CACNA1D: variants seen among roughly 807,000 people sequenced by gnomAD.
CACNA1D encodes the protein voltage-dependent L-type calcium channel subunit alpha-1D.
A neutral mutation model predicts 257.1 loss-of-function variants in CACNA1D; 55 were observed. That is an observed-to-expected ratio of 0.21 (90% confidence interval 0.17 to 0.27). The LOEUF (loss-of-function observed/expected upper bound fraction) is 0.27. Among genes scored for constraint, CACNA1D ranks in the 10% least tolerant of loss-of-function variants. The pLI, the probability that CACNA1D is intolerant of heterozygous loss-of-function variation, is 1.00. For missense variants in CACNA1D, 1,876 were observed against 2,784.0 expected, an observed-to-expected ratio of 0.67 and a Z score of 7.34; for synonymous variants, 980 against 1,014.9, an observed-to-expected ratio of 0.97 and a Z score of 0.65.
chr3:53,615,417 G>A (rs1256729359), intron 3 of CACNA1D, among the ~76,000 whole-genome samples: 2 of 152,212 alleles, frequency 1.3e-5, no homozygotes, highest in Non-Finnish European at 2.9e-5. Flanking sequence ...AATCACAACA[G>A]ACAGTAGATT....
At position 53,778,912 on chromosome 3, in the gene CACNA1D, T is replaced by G. The variant is rs532163962; in HGVS notation, c.4588-1114T>G. ...TGAAGGACATTCCCTGAGTTGGGAA[T>G]AGTAATGGATCCCGTCGGTTGAGAA... On this transcript the variant is annotated intron_variant, in intron 37 of 47. Coordinates refer to ENST00000350061, the MANE Select transcript of CACNA1D (RefSeq NM_001128840.3). Among the ~76,000 whole-genome samples the G allele has an allele frequency of 3.9e-5, 6 of 152,368 alleles. No individual in the cohort carries two copies. The East Asian group carries it at 1.2e-3, about 29-fold the overall frequency.
intron 3 of CACNA1D, among the ~76,000 whole-genome samples, chr3:53,533,692 T>C (rs2092024420): frequency 6.6e-6 from 1 of 152,180 alleles, no homozygotes; most frequent in South Asian, 2.1e-4. Context: ...ACGGCTGCTA[T>C]GGCCGTGGGC....
At chr3:53,659,984 C>A in intron 4 of CACNA1D, 149 bp from the exon 5 acceptor site, 190 of 610,512 alleles carry the variant, frequency 3.1e-4, no homozygotes, top group Middle Eastern at 6.0e-4. Context: ...TATTCCAATT[C>A]CACAGCCCAG....
At chr3:53,691,161 TTG>T (rs1491106726) in intron 8 of CACNA1D, among the ~76,000 whole-genome samples, 25 of 147,310 alleles carry the variant, frequency 1.7e-4, no homozygotes, top group East Asian at 4.1e-4. Context: ...TTTTTTTTTT[TTG>T]GGGGGGAGAT....
intron 10 of CACNA1D, among the ~76,000 whole-genome samples, chr3:53,718,976 AT>A (rs751830971): frequency 6.0e-5 from 9 of 150,108 alleles, no homozygotes; most frequent in Non-Finnish European, 1.3e-4. Flanking sequence ...GCACCATTGC[AT>A]TAACACTCAC....
chr3:53,628,461 C>T (rs889889816), intron 3 of CACNA1D, among the ~76,000 whole-genome samples: 13 of 152,168 alleles, frequency 8.5e-5, no homozygotes, highest in Non-Finnish European at 1.8e-4. Context: ...AGGATGAATG[C>T]CATGGCACTT....
intron 3 of CACNA1D, among the ~76,000 whole-genome samples, chr3:53,595,215 G>A (rs1021569971): frequency 6.6e-6 from 1 of 152,206 alleles, no homozygotes; most frequent in African/African-American, 2.4e-5. Flanking sequence ...TTAATAATTA[G>A]GTTTTTGACA....
At chr3:53,550,742 A>G (rs2092515199) in intron 3 of CACNA1D, among the ~76,000 whole-genome samples, 1 of 152,194 alleles carries the variant, frequency 6.6e-6, no homozygotes, top group Non-Finnish European at 1.5e-5. Flanking sequence ...CCCTAGACAC[A>G]TAGGAGCCCT....
chr3:53,627,736 G>A (rs1339762401), intron 3 of CACNA1D, among the ~76,000 whole-genome samples: 1 of 152,086 alleles, frequency 6.6e-6, no homozygotes, highest in Non-Finnish European at 1.5e-5. Context: ...ATTCAGGCCG[G>A]GTGTGGTGAC....
chr3:53,627,883 G>A (rs1327463720), intron 3 of CACNA1D, among the ~76,000 whole-genome samples: 1 of 152,024 alleles, frequency 6.6e-6, no homozygotes, highest in Non-Finnish European at 1.5e-5. Flanking sequence ...TGTGGTGGTA[G>A]GCATCTGTAA....
intron 3 of CACNA1D, among the ~76,000 whole-genome samples, chr3:53,557,705 A>G (rs538178327): frequency 6.6e-6 from 1 of 152,290 alleles, no homozygotes; most frequent in South Asian, 2.1e-4. Context: ...TCCAGACTCT[A>G]TTCTGTTGGT....
intron 10 of CACNA1D, 188 bp downstream of exon 10, chr3:53,718,576 C>CA: frequency 1.5e-6 from 1 of 650,812 alleles, no homozygotes; most frequent in Admixed American, 2.2e-5. Flanking sequence ...CACCTCCCCA[C>CA]CCCCCGCCCC....
At chr3:53,538,140 A>ATT (rs1559808168) in intron 3 of CACNA1D, among the ~76,000 whole-genome samples, 1 of 109,008 alleles carries the variant, frequency 9.2e-6, no homozygotes, top group African/African-American at 5.2e-5. Context: ...CAGTTTTTGA[A>ATT]GTTTTTTTTT....
At chr3:53,714,363 A>T (rs2094796207) in intron 9 of CACNA1D, among the ~76,000 whole-genome samples, 1 of 152,248 alleles carries the variant, frequency 6.6e-6, no homozygotes, top group Admixed American at 6.5e-5. Flanking sequence ...TAAATGGGGC[A>T]GTCACAATGC....
chr3:53,589,271 T>G (rs890643637), intron 3 of CACNA1D, among the ~76,000 whole-genome samples: 1 of 152,190 alleles, frequency 6.6e-6, no homozygotes, highest in African/African-American at 2.4e-5. Context: ...CTTCTACACG[T>G]GTCAAATGTG....
At chr3:53,553,393 TCTC>T (rs1187012077) in intron 3 of CACNA1D, among the ~76,000 whole-genome samples, 3 of 152,182 alleles carry the variant, frequency 2.0e-5, no homozygotes, top group African/African-American at 7.2e-5. Context: ...GCACTGTTGC[TCTC>T]CTCCTGTTCC....
At chr3:53,792,052 A>G (rs2095485931) in intron 40 of CACNA1D, 1 of 152,206 alleles carries the variant, frequency 6.6e-6, no homozygotes, top group Non-Finnish European at 1.5e-5. Context: ...TAAGACTACA[A>G]CAATAATAAT....
chr3:53,568,252 C>T (rs1003543624), intron 3 of CACNA1D, among the ~76,000 whole-genome samples: 7 of 152,188 alleles, frequency 4.6e-5, no homozygotes, highest in African/African-American at 1.7e-4. Flanking sequence ...CATTCAGCTA[C>T]GATGACTGGT....
intron 14 of CACNA1D, among the ~76,000 whole-genome samples, chr3:53,725,086 A>C (rs79762764): frequency 6.6e-6 from 1 of 151,568 alleles, no homozygotes; most frequent in African/African-American, 2.4e-5. Flanking sequence ...GCCAGCCACA[A>C]ATTTCCTCTT....
Sources: gnomAD v4.1 joint callset for allele counts (sites outside exome capture counted in the v4.1 genomes callset) on GRCh38, gnomAD v4.1.1 for gene constraint, MANE v1.5 for transcripts, NCBI Gene and HGNC (gene_info 2026-07-23, HGNC 2026-07-21) for gene names.